BHLHA9: variants seen among roughly 807,000 people sequenced by gnomAD.
The protein encoded by BHLHA9 is class A basic helix-loop-helix protein 9.
For synonymous variants in BHLHA9, 177 were observed against 179.7 expected (o/e 0.98, Z 0.12); for missense variants, 344 against 365.9 (o/e 0.94, Z 0.49).
In BHLHA9 at chr17:1,271,496, C is replaced by T; in HGVS notation, c.*225C>T. The T allele has an allele frequency of 5.0e-6, 2 of 403,224 alleles. No homozygotes were observed. The highest frequency in any genetic ancestry group is 2.9e-4 in the South Asian group (2 of 6,982). 25.0% of individuals were successfully genotyped at this position (403,224 alleles called of 1,614,324 possible). Reference sequence around the variant, plus strand: ...GAGCTCCGGGGCCTGGGGCTGCGCCCCCACATCCCAGCCTAGGGAGGCAGT... The same window carrying T: ...GAGCTCCGGGGCCTGGGGCTGCGCCTCCACATCCCAGCCTAGGGAGGCAGT... On this transcript the variant is annotated 3_prime_UTR_variant, in exon 1 of 1. Coordinates refer to ENST00000391429, the MANE Select transcript of BHLHA9 (RefSeq NM_001164405.2).
At position 1,270,631 on chromosome 17, in the gene BHLHA9, TGGG is replaced by T; in HGVS notation, c.72_74del (p.Gly25del). The T allele has an allele frequency of 1.5e-6, 2 of 1,298,456 alleles. No individual in the cohort carries two copies. Among genetic ancestry groups the T allele is most frequent in the Non-Finnish European group, 1.9e-6 (2 of 1,029,808 alleles). 80.4% of individuals were successfully genotyped at this position (1,298,456 alleles called of 1,614,324 possible). A position where few individuals can be genotyped will look rare whatever the true frequency, so the allele number is the denominator to read the frequency against. ...GGGGCCGAGGACTCTGCGGAGGACT[TGGG>T]GGGCCCCTGCCCCGAGCCCGGGGGC... On this transcript the variant is annotated inframe_deletion, in exon 1 of 1. Coordinates refer to ENST00000391429, the MANE Select transcript of BHLHA9 (RefSeq NM_001164405.2).
Position 1,270,632 on chromosome 17 carries a change from G to C in BHLHA9, c.69G>C (p.Leu23Phe). The C allele has an allele frequency of 7.7e-7, 1 of 1,299,862 alleles. No homozygotes were observed. Among genetic ancestry groups the C allele is most frequent in the Non-Finnish European group, 9.7e-7 (1 of 1,030,370 alleles). 80.5% of individuals were successfully genotyped at this position (1,299,862 alleles called of 1,614,324 possible). A position where few individuals can be genotyped will look rare whatever the true frequency, so the allele number is the denominator to read the frequency against. ...RKGAEDSAED[L>F]GGPCPEPGGD... Reference sequence around the variant, plus strand: ...GGGCCGAGGACTCTGCGGAGGACTTGGGGGGCCCCTGCCCCGAGCCCGGGG... The same window carrying C: ...GGGCCGAGGACTCTGCGGAGGACTTCGGGGGCCCCTGCCCCGAGCCCGGGG... Residue 23 changes from leucine to phenylalanine, a missense_variant, in exon 1 of 1, where the codon TTG (leucine) becomes TTC (phenylalanine). Transcript: ENST00000391429.
In BHLHA9 at chr17:1,271,117, T is replaced by G. The variant is rs983619406; in HGVS notation, c.554T>G (p.Leu185Arg). 2 of 1,239,348 alleles carry G rather than the reference T, an allele frequency of 1.6e-6. No individual in the cohort carries two copies. The highest frequency in any genetic ancestry group is 2.0e-6 in the Non-Finnish European group (2 of 995,046). The allele number at this position is 1,239,348 out of a possible 1,614,324, so 76.8% of individuals were successfully genotyped here. ...RCASCPPHAP[L>R]ARPSAVAEGP... ...GCCTCGTGCCCCCCGCACGCGCCCC[T>G]GGCACGGCCCAGTGCGGTGGCCGAG... is the stretch of plus-strand genomic sequence containing the variant. The change falls in exon 1 of 1, where the codon CTG becomes CGG. Residue 185 changes from leucine to arginine, a missense_variant. Physicochemically the swap from Leu to Arg is moderately radical, Grantham distance 102. Transcript: ENST00000391429.
In BHLHA9 at chr17:1,270,804, T is replaced by G. The variant is rs1442577802; in HGVS notation, c.241T>G (p.Tyr81Asp). ...NVRERKRILD[Y>D]NEAFNALRRA... ...GCGGGAGCGCAAGCGCATCCTAGAC[T>G]ACAACGAGGCCTTCAACGCGCTGCG... Residue 81 changes from tyrosine (Y) to aspartate (D), a missense_variant, in exon 1 of 1, where the codon TAC (tyrosine) becomes GAC (aspartate). Tyr to Asp is a radical substitution (Grantham distance 160). Transcript: ENST00000391429. 2 of 1,475,014 alleles carry G rather than the reference T, an allele frequency of 1.4e-6. No homozygotes were observed. Among genetic ancestry groups the G allele is most frequent in the Non-Finnish European group, 8.9e-7 (1 of 1,118,472 alleles). 91.4% of individuals were successfully genotyped at this position (1,475,014 alleles called of 1,614,324 possible).
In BHLHA9 at chr17:1,270,993, G is replaced by C; in HGVS notation, c.430G>C (p.Asp144His). The change falls in exon 1 of 1, where the codon GAC becomes CAC. Residue 144 changes from aspartate (D) to histidine (H), a missense_variant. Transcript: ENST00000391429. ...LECHGPAARG[D>H]TGDTGASPPP... The stretch of plus-strand genomic sequence containing the variant: ...GTGCCACGGCCCGGCCGCGCGCGGG[G>C]ACACCGGGGACACAGGCGCCAGCCC... 8.2e-7 allele frequency: 1 copy of C among 1,214,112 alleles called. No homozygotes were observed. Among genetic ancestry groups the C allele is most frequent in the Non-Finnish European group, 1.0e-6 (1 of 977,536 alleles). The allele number at this position is 1,214,112 out of a possible 1,614,324, so 75.2% of individuals were successfully genotyped here. A position where few individuals can be genotyped will look rare whatever the true frequency, so the allele number is the denominator to read the frequency against.
In BHLHA9 at chr17:1,271,554, T is replaced by G; in HGVS notation, c.*283T>G. On this transcript the variant is annotated 3_prime_UTR_variant, in exon 1 of 1. Coordinates refer to ENST00000391429, the MANE Select transcript of BHLHA9 (RefSeq NM_001164405.2). ...AAGGCTCAGGATCCTGAACTCATCT[T>G]GGACTCGAACTCGTCTTGGAATGCC... is the stretch of plus-strand genomic sequence containing the variant. 1 of 352,336 alleles carries G rather than the reference T, an allele frequency of 2.8e-6. No individual in the cohort carries two copies. 21.8% of individuals were successfully genotyped at this position (352,336 alleles called of 1,614,324 possible). A position where few individuals can be genotyped will look rare whatever the true frequency, so the allele number is the denominator to read the frequency against.
chr17:1,271,480 G>C lies in BHLHA9; in HGVS notation c.*209G>C. 2.4e-6 allele frequency: 1 copy of C among 412,562 alleles called. No homozygotes were observed. The highest frequency in any genetic ancestry group is 4.4e-6 in the Non-Finnish European group (1 of 228,414). The allele number at this position is 412,562 out of a possible 1,614,324, so 25.6% of individuals were successfully genotyped here. On this transcript the variant is annotated 3_prime_UTR_variant, in exon 1 of 1. Coordinates refer to ENST00000391429, the MANE Select transcript of BHLHA9 (RefSeq NM_001164405.2). The stretch of plus-strand genomic sequence containing the variant: ...CTGGGGCAGAGAGAAGGAGCTCCGG[G>C]GCCTGGGGCTGCGCCCCCACATCCC...
chr17:1,270,659 C>T lies in BHLHA9; in HGVS notation c.96C>T (p.Gly32=), dbSNP rs2071874733. The change falls in exon 1 of 1, where the codon GGC becomes GGT. Residue 32 remains glycine, a synonymous_variant. Transcript: ENST00000391429. ...DLGGPCPEPG[G]DSGVLGANGA... ...GGGGCCCCTGCCCCGAGCCCGGGGG[C>T]GATTCGGGGGTGCTGGGGGCGAACG... The T allele has an allele frequency of 7.6e-7, 1 of 1,308,662 alleles. No homozygotes were observed. Among genetic ancestry groups the T allele is most frequent in the Non-Finnish European group, 9.6e-7 (1 of 1,036,416 alleles). 81.1% of individuals were successfully genotyped at this position (1,308,662 alleles called of 1,614,324 possible).
At position 1,270,535 on chromosome 17, in the gene BHLHA9, G is replaced by C; in HGVS notation, c.-29G>C. The stretch of plus-strand genomic sequence containing the variant: ...GGGCAGAGGGCAGAGGGCCGGGGCT[G>C]GGGCAGAGGGCGAGTGCCCGGGAAG... On this transcript the variant is annotated 5_prime_UTR_variant, in exon 1 of 1. Transcript: ENST00000391429. 1 of 1,208,038 alleles carries C rather than the reference G, an allele frequency of 8.3e-7. No homozygotes were observed. The highest frequency in any genetic ancestry group is 1.0e-6 in the Non-Finnish European group (1 of 955,574). 74.8% of individuals were successfully genotyped at this position (1,208,038 alleles called of 1,614,324 possible).
rs934552019 is a variant in BHLHA9, at chr17:1,270,512, G to A, written c.-52G>A. On this transcript the variant is annotated 5_prime_UTR_variant, in exon 1 of 1. Coordinates refer to ENST00000391429, the MANE Select transcript of BHLHA9 (RefSeq NM_001164405.2). ...GCCGGGCCAAGGCAGTGGGCAGAGG[G>A]CAGAGGGCAGAGGGCCGGGGCTGGG... The A allele has an allele frequency of 5.6e-6, 6 of 1,065,534 alleles. No homozygotes were observed. The highest frequency in any genetic ancestry group is 7.2e-6 in the Non-Finnish European group (6 of 827,886). 66.0% of individuals were successfully genotyped at this position (1,065,534 alleles called of 1,614,324 possible). A position where few individuals can be genotyped will look rare whatever the true frequency, so the allele number is the denominator to read the frequency against.
Position 1,270,742 on chromosome 17 carries a change from C to T in BHLHA9, c.179C>T (p.Pro60Leu), listed in dbSNP as rs1415385029. The T allele has an allele frequency of 1.4e-6, 2 of 1,387,406 alleles. No homozygotes were observed. The highest frequency in any genetic ancestry group is 1.5e-5 in the African/African-American group (1 of 65,944). 85.9% of individuals were successfully genotyped at this position (1,387,406 alleles called of 1,614,324 possible). A position where few individuals can be genotyped will look rare whatever the true frequency, so the allele number is the denominator to read the frequency against. The change falls in exon 1 of 1, where the codon CCG (proline) becomes CTG (leucine). Residue 60 changes from proline (P) to leucine (L), a missense_variant. Transcript: ENST00000391429. The stretch of plus-strand genomic sequence containing the variant: ...CCGGCGGGCAGGAGGCGCGCGCGGC[C>T]GGTGCGGTCCAAGGCGCGGCGCATG... ...EEPAGRRRAR[P>L]VRSKARRMAA...
chr17:1,270,496 A>G lies in BHLHA9; in HGVS notation c.-68A>G, dbSNP rs2063188. On this transcript the variant is annotated 5_prime_UTR_variant, in exon 1 of 1. Transcript: ENST00000391429. ...ACCGTCCGCGTCGCGAGCCGGGCCA[A>G]GGCAGTGGGCAGAGGGCAGAGGGCA... The G allele has an allele frequency of 0.22, 203,046 of 927,912 alleles. 24,348 individuals carry two copies. The highest frequency in any genetic ancestry group is 0.42 in the East Asian group (12,680 of 29,952). 57.5% of individuals were successfully genotyped at this position (927,912 alleles called of 1,614,324 possible).
In BHLHA9 at chr17:1,270,528, C is replaced by G; in HGVS notation, c.-36C>G. On this transcript the variant is annotated 5_prime_UTR_variant, in exon 1 of 1. Coordinates refer to ENST00000391429, the MANE Select transcript of BHLHA9 (RefSeq NM_001164405.2). ...GGGCAGAGGGCAGAGGGCAGAGGGC[C>G]GGGGCTGGGGCAGAGGGCGAGTGCC... 1 of 1,178,142 alleles carries G rather than the reference C, an allele frequency of 8.5e-7. No individual in the cohort carries two copies. The highest frequency in any genetic ancestry group is 1.1e-6 in the Non-Finnish European group (1 of 929,178). 73.0% of individuals were successfully genotyped at this position (1,178,142 alleles called of 1,614,324 possible).
In BHLHA9 at chr17:1,270,542, AG is replaced by A; in HGVS notation, c.-19del. 8.1e-7 allele frequency: 1 copy of A among 1,239,540 alleles called. No individual in the cohort carries two copies. The highest frequency in any genetic ancestry group is 1.0e-6 in the Non-Finnish European group (1 of 984,006). The allele number at this position is 1,239,540 out of a possible 1,614,324, so 76.8% of individuals were successfully genotyped here. A position where few individuals can be genotyped will look rare whatever the true frequency, so the allele number is the denominator to read the frequency against. ...GGGCAGAGGGCCGGGGCTGGGGCAG[AG>A]GGCGAGTGCCCGGGAAGGCCATGCT... On this transcript the variant is annotated 5_prime_UTR_variant, in exon 1 of 1. Coordinates refer to ENST00000391429, the MANE Select transcript of BHLHA9 (RefSeq NM_001164405.2).
chr17:1,271,439 G>A lies in BHLHA9; in HGVS notation c.*168G>A, dbSNP rs145443037. On this transcript the variant is annotated 3_prime_UTR_variant, in exon 1 of 1. Coordinates refer to ENST00000391429, the MANE Select transcript of BHLHA9 (RefSeq NM_001164405.2). ...AAGGAGCTCCGGGACCCGGGGTTGC[G>A]CCCCCACATCCCAGCCTGGGGCAGA... 1.9e-3 allele frequency: 873 copies of A among 469,994 alleles called. 4 individuals carry two copies. The highest frequency in any genetic ancestry group is 0.016 in the African/African-American group (789 of 49,502). 29.1% of individuals were successfully genotyped at this position (469,994 alleles called of 1,614,324 possible).
Position 1,271,307 on chromosome 17 carries a change from C to G in BHLHA9, c.*36C>G, listed in dbSNP as rs1032030727. On this transcript the variant is annotated 3_prime_UTR_variant, in exon 1 of 1. Coordinates refer to ENST00000391429, the MANE Select transcript of BHLHA9 (RefSeq NM_001164405.2). ...GGCACCGGCTGGGCTGCAGGGAGGC[C>G]GGGCTGGCAGCTGGACTATAAAACC... 8.2e-7 allele frequency: 1 copy of G among 1,221,572 alleles called. No individual in the cohort carries two copies. Among genetic ancestry groups the G allele is most frequent in the Non-Finnish European group, 1.0e-6 (1 of 965,108 alleles). The allele number at this position is 1,221,572 out of a possible 1,614,324, so 75.7% of individuals were successfully genotyped here.
Position 1,271,454 on chromosome 17 carries a change from C to G in BHLHA9, c.*183C>G, listed in dbSNP as rs919542107. ...CCGGGGTTGCGCCCCCACATCCCAGCCTGGGGCAGAGAGAAGGAGCTCCGG... is the reference window on the plus strand; with the variant it reads ...CCGGGGTTGCGCCCCCACATCCCAGGCTGGGGCAGAGAGAAGGAGCTCCGG... On this transcript the variant is annotated 3_prime_UTR_variant, in exon 1 of 1. Transcript: ENST00000391429. The G allele has an allele frequency of 1.8e-5, 8 of 434,650 alleles. No individual in the cohort carries two copies. The highest frequency in any genetic ancestry group is 6.1e-4 in the Middle Eastern group (1 of 1,638). 26.9% of individuals were successfully genotyped at this position (434,650 alleles called of 1,614,324 possible).
Position 1,270,968 on chromosome 17 carries a change from G to A in BHLHA9, c.405G>A (p.Glu135=). 8.0e-7 allele frequency: 1 copy of A among 1,254,054 alleles called. No homozygotes were observed. Among genetic ancestry groups the A allele is most frequent in the South Asian group, 3.0e-5 (1 of 33,664 alleles). The allele number at this position is 1,254,054 out of a possible 1,614,324, so 77.7% of individuals were successfully genotyped here. The change falls in exon 1 of 1, where the codon GAG becomes GAA. Residue 135 remains glutamate (E), a synonymous_variant. Transcript: ENST00000391429. ...PAPRGPCGHL[E]CHGPAARGDT... The stretch of plus-strand genomic sequence containing the variant: ...CCCGCGGGCCCTGCGGACACCTGGA[G>A]TGCCACGGCCCGGCCGCGCGCGGGG...
rs574341128 is a variant in BHLHA9 at position 1,271,279 on chromosome 17, C to G, written c.*8C>G. 109 of 1,248,338 alleles carry G rather than the reference C, an allele frequency of 8.7e-5. No individual in the cohort carries two copies. In the East Asian group the frequency reaches 3.0e-3, roughly 35 times the overall value. 77.3% of individuals were successfully genotyped at this position (1,248,338 alleles called of 1,614,324 possible). On this transcript the variant is annotated 3_prime_UTR_variant, in exon 1 of 1. Transcript: ENST00000391429. ...GGCCATCCGCGCTCCTGACCGGCCT[C>G]GAGGCACCGGCTGGGCTGCAGGGAG...
Sources: allele counts gnomAD v4.1 joint callset, GRCh38; gene constraint gnomAD v4.1.1; transcripts MANE v1.5; gene names NCBI Gene and HGNC (gene_info 2026-07-23, HGNC 2026-07-21).